The following IL1RAPL1 variants were observed in gnomAD, a reference collection of about 807,000 sequenced individuals.
The protein encoded by IL1RAPL1 is interleukin-1 receptor accessory protein-like 1.
A neutral mutation model predicts 48.4 loss-of-function variants in IL1RAPL1; 3 were observed. That is an observed-to-expected ratio of 0.06 (90% CI 0.03 to 0.16). The LOEUF is 0.16. IL1RAPL1 is among the 10% of genes least tolerant of loss of function. The pLI is 1.00. For synonymous variants in IL1RAPL1, 185 were observed against 187.7 expected (o/e 0.99, Z 0.12); for missense variants, 349 against 530.6 (o/e 0.66, Z 3.36).
chrX:28,811,639 C>A (rs374902350), intron 2 of IL1RAPL1, among the ~76,000 whole-genome samples: 2 of 110,149 alleles, frequency 1.8e-5, no homozygotes, highest in East Asian at 5.7e-4. Context: ...GAATAAGATA[C>A]AATGATTAGA....
At chrX:29,902,161 T>TC (rs35594426) in intron 6 of IL1RAPL1, among the ~76,000 whole-genome samples, 8,482 of 110,582 alleles carry the variant, frequency 0.077, 312 homozygotes, top group Admixed American at 0.18. Context: ...GTCATCATTT[T>TC]CCCGCATCAT....
chrX:29,930,840 A>G (rs928114045), intron 8 of IL1RAPL1, among the ~76,000 whole-genome samples: 4 of 111,984 alleles, frequency 3.6e-5, no homozygotes, highest in African/African-American at 1.3e-4. Flanking sequence ...GGGACACCTT[A>G]CTTCTACATT....
At chrX:29,704,100 AT>A (rs754595751) in intron 6 of IL1RAPL1, among the ~76,000 whole-genome samples, 4 of 106,579 alleles carry the variant, frequency 3.8e-5, no homozygotes, top group Admixed American at 1.0e-4. Flanking sequence ...TTTTTATTTT[AT>A]TTTTTTTTGG....
intron 5 of IL1RAPL1, among the ~76,000 whole-genome samples, chrX:29,410,460 CA>C (rs751676116): frequency 2.0e-3 from 180 of 89,426 alleles, no homozygotes; most frequent in Admixed American, 1.9e-3. Context: ...GACTCTGTGT[CA>C]AAAAAAAAAA....
intron 5 of IL1RAPL1, among the ~76,000 whole-genome samples, chrX:29,484,004 T>TAAA (rs144243686): frequency 1.1e-5 from 1 of 91,987 alleles, no homozygotes. Context: ...AGTAGTCCAT[T>TAAA]AAAAAAAAAA....
chrX:29,455,184 A>T (rs750895135), intron 5 of IL1RAPL1, among the ~76,000 whole-genome samples: 2 of 111,905 alleles, frequency 1.8e-5, no homozygotes, highest in East Asian at 5.6e-4. Context: ...TACCTATGTA[A>T]CAAACCTGCA....
intron 2 of IL1RAPL1, among the ~76,000 whole-genome samples, chrX:29,280,689 A>G (rs1932187738): frequency 8.9e-6 from 1 of 112,366 alleles, no homozygotes; most frequent in Admixed American, 9.5e-5. Flanking sequence ...TGAGAAGGAC[A>G]AAGTCCCTGC....
At chrX:29,516,313 G>A (rs1280033848) in intron 5 of IL1RAPL1, among the ~76,000 whole-genome samples, 1 of 111,816 alleles carries the variant, frequency 8.9e-6, no homozygotes, top group East Asian at 2.8e-4. Flanking sequence ...ATACAAAATA[G>A]TATATATGCC....
At chrX:29,883,686 A>G (rs1213402424) in intron 6 of IL1RAPL1, among the ~76,000 whole-genome samples, 2 of 111,669 alleles carry the variant, frequency 1.8e-5, no homozygotes, top group African/African-American at 3.3e-5. Context: ...CTATTTGTCA[A>G]TGGGAAAAAG....
intron 6 of IL1RAPL1, among the ~76,000 whole-genome samples, chrX:29,796,012 T>C (rs1929735034): frequency 8.9e-6 from 1 of 112,573 alleles, no homozygotes; most frequent in African/African-American, 3.2e-5. Context: ...CCACTGATAA[T>C]GGTGTGCTTT....
chrX:29,542,059 C>T (rs979554851), intron 5 of IL1RAPL1, among the ~76,000 whole-genome samples: 1 of 111,483 alleles, frequency 9.0e-6, no homozygotes, highest in Non-Finnish European at 1.9e-5. Context: ...TCATGAGGCA[C>T]GGTATCCTTA....
intron 2 of IL1RAPL1, among the ~76,000 whole-genome samples, chrX:29,257,673 C>G (rs1931780110): frequency 9.0e-6 from 1 of 111,697 alleles, no homozygotes; most frequent in Non-Finnish European, 1.9e-5. Flanking sequence ...TTAATCCCAT[C>G]AAAATGTCTC....
At chrX:29,569,113 C>T (rs930949332) in intron 5 of IL1RAPL1, among the ~76,000 whole-genome samples, 2 of 111,404 alleles carry the variant, frequency 1.8e-5, no homozygotes, top group East Asian at 5.6e-4. Flanking sequence ...CATTTCTCTA[C>T]AGTCTAGCAC....
chrX:29,530,107 GC>G (rs2147777848), intron 5 of IL1RAPL1, among the ~76,000 whole-genome samples: 1 of 111,909 alleles, frequency 8.9e-6, no homozygotes, highest in African/African-American at 3.2e-5. Context: ...CCTATTTATT[GC>G]CACTACCTTG....
intron 3 of IL1RAPL1, among the ~76,000 whole-genome samples, chrX:29,292,313 CAT>C (rs1932382805): frequency 9.0e-6 from 1 of 111,564 alleles, no homozygotes; most frequent in Admixed American, 9.5e-5. Flanking sequence ...TGTCCTAAAT[CAT>C]GATTTTTGGT....
chrX:29,782,100 GTCTA>G (rs57978861), intron 6 of IL1RAPL1, among the ~76,000 whole-genome samples: 1,508 of 83,974 alleles, frequency 0.018, 21 homozygotes, highest in East Asian at 0.067. Flanking sequence ...CTGTCTGTCT[GTCTA>G]TCTATCTATC....
intron 2 of IL1RAPL1, among the ~76,000 whole-genome samples, chrX:28,831,791 A>G (rs779385803): frequency 9.1e-6 from 1 of 110,293 alleles, no homozygotes; most frequent in South Asian, 3.8e-4. Context: ...AGAGTTTCAT[A>G]CTCCACTATT....
intron 2 of IL1RAPL1, among the ~76,000 whole-genome samples, chrX:28,911,660 A>C (rs745987039): frequency 9.0e-6 from 1 of 111,522 alleles, no homozygotes; most frequent in African/African-American, 3.2e-5. Flanking sequence ...CTAAAAAGAA[A>C]GTTCTTATTG....
intron 5 of IL1RAPL1, among the ~76,000 whole-genome samples, chrX:29,517,221 G>T (rs1395120620): frequency 1.8e-5 from 2 of 110,105 alleles, no homozygotes. Flanking sequence ...CCAGAATAAT[G>T]TTCTTTATCT....
Sources: gnomAD v4.1 joint callset for allele counts (sites outside exome capture counted in the v4.1 genomes callset) on GRCh38, gnomAD v4.1.1 for gene constraint, MANE v1.5 for transcripts, NCBI Gene and HGNC (gene_info 2026-07-23, HGNC 2026-07-21) for gene names.